QTMAN: variants seen among roughly 807,000 people sequenced by gnomAD.
The protein encoded by QTMAN is queuosine-tRNA mannosyltransferase.
chr2:144,065,123 A>C, the QTMAN span, among the ~76,000 whole-genome samples: 1 of 152,218 alleles, frequency 6.6e-6, no homozygotes, highest in East Asian at 1.9e-4. Flanking sequence ...TTAGAAAAGC[A>C]AAACTGCTTG....
At chr2:144,309,349 A>G in the QTMAN span, among the ~76,000 whole-genome samples, 1 of 152,178 alleles carries the variant, frequency 6.6e-6, no homozygotes, top group Non-Finnish European at 1.5e-5. Flanking sequence ...TATAGGCAAA[A>G]AAACCTGTAA....
the QTMAN span, among the ~76,000 whole-genome samples, chr2:144,155,003 T>C: frequency 6.6e-6 from 1 of 152,178 alleles, no homozygotes; most frequent in African/African-American, 2.4e-5. Context: ...ACAGAAGTGT[T>C]CAATACAATA....
chr2:144,059,127 C>G, the QTMAN span, among the ~76,000 whole-genome samples: 1 of 152,210 alleles, frequency 6.6e-6, no homozygotes, highest in South Asian at 2.1e-4. Context: ...CATCCAGCCT[C>G]ATCTCCACTC....
chr2:144,050,473 G>T, the QTMAN span, among the ~76,000 whole-genome samples: 1 of 152,100 alleles, frequency 6.6e-6, no homozygotes, highest in Non-Finnish European at 1.5e-5. Context: ...TGGTGGGGCT[G>T]GTGTAGAGAG....
the QTMAN span, among the ~76,000 whole-genome samples, chr2:144,204,925 T>G: frequency 7.5e-6 from 1 of 133,530 alleles, no homozygotes; most frequent in Non-Finnish European, 1.5e-5. Flanking sequence ...TTCTCACTCA[T>G]AGGTGGGAAT....
At chr2:143,991,734 T>C in the QTMAN span, among the ~76,000 whole-genome samples, 6 of 75,946 alleles carry the variant, frequency 7.9e-5, no homozygotes, top group African/African-American at 2.6e-4. Flanking sequence ...GGGAGGGAGG[T>C]GGGGGGGTCA....
chr2:144,042,338 G>A, the QTMAN span, among the ~76,000 whole-genome samples: 1 of 152,068 alleles, frequency 6.6e-6, no homozygotes, highest in East Asian at 1.9e-4. Flanking sequence ...AAGAGAGCTT[G>A]AACCTGGAAG....
chr2:144,136,392 A>AG, the QTMAN span, among the ~76,000 whole-genome samples: 1 of 88,960 alleles, frequency 1.1e-5, no homozygotes, highest in African/African-American at 4.8e-5. Context: ...GAAAAGGAAA[A>AG]GGAAAAGGAA....
chr2:144,115,449 A>G, the QTMAN span, among the ~76,000 whole-genome samples: 12 of 152,346 alleles, frequency 7.9e-5, no homozygotes, highest in Admixed American at 5.2e-4. Flanking sequence ...CTCCCAAAAA[A>G]TTAACTGTGG....
the QTMAN span, among the ~76,000 whole-genome samples, chr2:144,075,751 T>C: frequency 6.6e-6 from 1 of 152,234 alleles, no homozygotes; most frequent in Non-Finnish European, 1.5e-5. Context: ...GCATTTTAGA[T>C]TTCCAACCTC....
the QTMAN span, among the ~76,000 whole-genome samples, chr2:144,111,448 T>C: frequency 6.6e-6 from 1 of 152,196 alleles, no homozygotes; most frequent in African/African-American, 2.4e-5. Flanking sequence ...AAGGTAGTGA[T>C]AGCACTGATG....
chr2:143,979,821 T>C, the QTMAN span, among the ~76,000 whole-genome samples: 1 of 152,190 alleles, frequency 6.6e-6, no homozygotes, highest in Non-Finnish European at 1.5e-5. Context: ...TTTTTGATGT[T>C]TCAAACAATA....
the QTMAN span, among the ~76,000 whole-genome samples, chr2:144,130,308 C>T: frequency 6.6e-6 from 1 of 151,808 alleles, no homozygotes; most frequent in Non-Finnish European, 1.5e-5. Flanking sequence ...CAGAAGTGCA[C>T]ACATAGAAAA....
At chr2:144,027,836 G>C in the QTMAN span, among the ~76,000 whole-genome samples, 1 of 152,222 alleles carries the variant, frequency 6.6e-6, no homozygotes, top group African/African-American at 2.4e-5. Flanking sequence ...TAGTTAATTA[G>C]AAACATTTCT....
the QTMAN span, among the ~76,000 whole-genome samples, chr2:144,042,061 C>T: frequency 6.6e-6 from 1 of 152,142 alleles, no homozygotes; most frequent in African/African-American, 2.4e-5. Flanking sequence ...GGCAAAAATG[C>T]TATAGACAAT....
At chr2:143,973,433 CTA>C in the QTMAN span, among the ~76,000 whole-genome samples, 64 of 152,194 alleles carry the variant, frequency 4.2e-4, no homozygotes, top group African/African-American at 1.4e-3. Context: ...TTTATTTCAT[CTA>C]TGTCATGCAA....
the QTMAN span, among the ~76,000 whole-genome samples, chr2:144,273,260 C>A: frequency 6.6e-6 from 1 of 151,890 alleles, no homozygotes; most frequent in South Asian, 2.1e-4. Flanking sequence ...TCAATTAGAT[C>A]AAGACAAATG....
At chr2:144,222,325 C>A in the QTMAN span, among the ~76,000 whole-genome samples, 1 of 151,720 alleles carries the variant, frequency 6.6e-6, no homozygotes, top group African/African-American at 2.4e-5. Context: ...TCCCAAAGTG[C>A]TGGGATTACA....
chr2:144,125,469 A>T, the QTMAN span, among the ~76,000 whole-genome samples: 2 of 151,972 alleles, frequency 1.3e-5, no homozygotes, highest in Non-Finnish European at 1.5e-5. Flanking sequence ...AAGTGAATCC[A>T]CTATTATCCT....
Sources: gnomAD v4.1 joint callset for allele counts (sites outside exome capture counted in the v4.1 genomes callset) on GRCh38, gnomAD v4.1.1 for gene constraint, MANE v1.5 for transcripts, NCBI Gene and HGNC (gene_info 2026-07-23, HGNC 2026-07-21) for gene names.